WNK3: variants seen among roughly 807,000 people sequenced by gnomAD.
WNK3 encodes the protein WNK lysine deficient protein kinase 3, also known as serine/threonine-protein kinase WNK3.
WNK3 carries 18 observed loss-of-function variants against 116.7 expected under a neutral mutation model. That is an observed-to-expected ratio of 0.15 (90% CI 0.11 to 0.23). The LOEUF (loss-of-function observed/expected upper bound fraction) is 0.23. WNK3 is among the 10% of genes least tolerant of loss of function. The pLI is 1.00. For synonymous variants in WNK3, 404 were observed against 469.4 expected (o/e 0.86, Z 1.80); for missense variants, 993 against 1,323.8 (o/e 0.75, Z 3.88).
chrX:54,300,551 C>T (rs1246516876), intron 6 of WNK3, among the ~76,000 whole-genome samples: 2 of 112,049 alleles, frequency 1.8e-5, no homozygotes, highest in African/African-American at 6.5e-5. Flanking sequence ...CCAGATTTGA[C>T]TTTAAGTCTG....
chrX:54,193,381 A>G (rs1269600919), exon 24 of WNK3: 5 of 111,367 alleles, frequency 4.5e-5, no homozygotes, highest in Non-Finnish European at 7.5e-5. Context: ...TACAGTGGAA[A>G]AGAAATTCAA....
intron 20 of WNK3, 46 bp from the exon 21 acceptor site, chrX:54,233,066 T>A: frequency 2.0e-6 from 2 of 1,020,089 alleles, no homozygotes; most frequent in Non-Finnish European, 2.7e-6. Flanking sequence ...ACTGGCTCCA[T>A]AAAGATGAGC....
chrX:54,221,051 C>A (rs1224969287), intron 22 of WNK3, among the ~76,000 whole-genome samples: 1 of 111,741 alleles, frequency 8.9e-6, no homozygotes, highest in African/African-American at 3.3e-5. Flanking sequence ...GTACCAGGAC[C>A]TTTAACAGCC....
rs924759968 is a variant in WNK3, at chrX:54,288,194, C to T, written c.2037+4694G>A. ...GAAAAGTCAGACTGTTATCTAGTGC[C>T]TGAAGTACTTGAGGCTGCTCTAAAG... On this transcript the variant is annotated intron_variant, in intron 10 of 23. Transcript: ENST00000354646. 2.7e-5 allele frequency among the ~76,000 whole-genome samples: 3 copies of T among 111,338 alleles called. No individual in the cohort carries two copies. The East Asian group carries it at 8.4e-4, about 31-fold the overall frequency.
intron 22 of WNK3, among the ~76,000 whole-genome samples, chrX:54,215,530 C>T (rs1207227583): frequency 8.1e-5 from 9 of 111,330 alleles, no homozygotes; most frequent in East Asian, 2.8e-4. Context: ...GCGTGATCTC[C>T]GCTCGCTACA....
chrX:54,257,002 G>C (rs888784204), intron 11 of WNK3, among the ~76,000 whole-genome samples: 1 of 112,146 alleles, frequency 8.9e-6, no homozygotes, highest in Non-Finnish European at 1.9e-5. Flanking sequence ...AAAAGTTCTA[G>C]AAATAATGTA....
intron 6 of WNK3, among the ~76,000 whole-genome samples, chrX:54,299,484 G>A (rs1161834900): frequency 1.5e-4 from 14 of 95,847 alleles, no homozygotes; most frequent in South Asian, 9.9e-4. Flanking sequence ...GAGTGCAGTC[G>A]CGTGATCTTG....
chrX:54,208,829 A>T (rs1256123125), intron 22 of WNK3, among the ~76,000 whole-genome samples: 1 of 112,027 alleles, frequency 8.9e-6, no homozygotes, highest in East Asian at 2.8e-4. Context: ...AAGGGAAAAG[A>T]CAGGAGTCTA....
intron 10 of WNK3, among the ~76,000 whole-genome samples, chrX:54,263,705 A>G (rs2068280433): frequency 8.9e-6 from 1 of 111,797 alleles, no homozygotes; most frequent in African/African-American, 3.2e-5. Flanking sequence ...GACCAATGAC[A>G]CAAATTGGCT....
At chrX:54,289,205 G>C (rs1186904606) in intron 10 of WNK3, among the ~76,000 whole-genome samples, 1 of 111,244 alleles carries the variant, frequency 9.0e-6, no homozygotes, top group East Asian at 2.8e-4. Context: ...TAAGAAGTCT[G>C]CACAGAATAG....
chrX:54,205,073 G>A (rs1361181902), intron 22 of WNK3, among the ~76,000 whole-genome samples: 2 of 111,212 alleles, frequency 1.8e-5, no homozygotes, highest in Non-Finnish European at 3.8e-5. Flanking sequence ...AAATTAGCTG[G>A]CCATGGTAGT....
At chrX:54,228,675 TA>T (rs782179448) in intron 22 of WNK3, 38 bp downstream of exon 22, 5 of 459,816 alleles carry the variant, frequency 1.1e-5, no homozygotes, top group African/African-American at 4.9e-5. Context: ...TGTAATTTTT[TA>T]AAAAAATTAA....
At chrX:54,218,582 A>AG (rs1267394290) in intron 22 of WNK3, among the ~76,000 whole-genome samples, 6 of 109,492 alleles carry the variant, frequency 5.5e-5, no homozygotes, top group Non-Finnish European at 9.5e-5. Flanking sequence ...AAAAAAAAAA[A>AG]AAAAGAAAAG....
rs782218908 is a variant in WNK3, at chrX:54,298,157, G to A, written c.1398+18C>T. On this transcript the variant is annotated intron_variant, in intron 7 of 23. Transcript: ENST00000354646. ...GATACAATAAGAGGTGAGGGGAATA[G>A]TGGTATGATTAACTTACCATTTCAT... The A allele has an allele frequency of 4.9e-6, 5 of 1,016,342 alleles. No homozygotes were observed. The South Asian group carries it at 9.5e-5, about 19-fold the overall frequency. 83.8% of individuals were successfully genotyped at this position (1,016,342 alleles called of 1,213,427 possible). A position where few individuals can be genotyped will look rare whatever the true frequency, so the allele number is the denominator to read the frequency against.
chrX:54,247,479 T>C (rs1427089214), intron 17 of WNK3, among the ~76,000 whole-genome samples: 2 of 110,177 alleles, frequency 1.8e-5, no homozygotes, highest in Non-Finnish European at 1.9e-5. Flanking sequence ...TGTAAATAAG[T>C]ATATGTATAT....
chrX:54,278,095 G>GA (rs556765360), intron 10 of WNK3, among the ~76,000 whole-genome samples: 2,220 of 55,511 alleles, frequency 0.04, 28 homozygotes, highest in Non-Finnish European at 0.056. Context: ...CCCTGCCTCA[G>GA]AAAAAAAAAA....
In WNK3 at chrX:54,222,915, AATATATATATAT is replaced by A. The variant is rs782107262; in HGVS notation, c.4870+5787_4870+5798del. 9.6e-4 allele frequency among the ~76,000 whole-genome samples: 78 copies of A among 81,017 alleles called. 6 individuals are homozygous for A. In the South Asian group the frequency reaches 0.043, roughly 44 times the overall value. The allele number at this position is 81,017 out of a possible 115,157, so 70.4% of individuals were successfully genotyped here. Reference sequence around the variant, plus strand: ...ATAGTATAATAATAATAATAATAATAATATATATATATATATATATATATAAAAAAAGACACA... The same window carrying A: ...ATAGTATAATAATAATAATAATAATAATATATATATATAAAAAAAGACACA... On this transcript the variant is annotated intron_variant, in intron 22 of 23. Coordinates refer to ENST00000354646, the Ensembl canonical transcript of WNK3.
chrX:54,202,564 G>A (rs1048918099), intron 22 of WNK3, among the ~76,000 whole-genome samples: 16 of 109,833 alleles, frequency 1.5e-4, no homozygotes, highest in African/African-American at 4.6e-4. Flanking sequence ...GGTGGTGGAC[G>A]CCTGTAATCC....
intron 22 of WNK3, among the ~76,000 whole-genome samples, chrX:54,206,382 T>C (rs1367469642): frequency 3.6e-5 from 4 of 111,488 alleles, no homozygotes; most frequent in Non-Finnish European, 7.5e-5. Context: ...AGTGAGACCC[T>C]GTCTCTAAAA....
Sources: allele counts gnomAD v4.1 joint callset (sites outside exome capture counted in the v4.1 genomes callset), GRCh38; gene constraint gnomAD v4.1.1; transcripts MANE v1.5; gene names NCBI Gene and HGNC (gene_info 2026-07-23, HGNC 2026-07-21).